The following RELN variants were observed in gnomAD, a reference collection of about 807,000 sequenced individuals.
The protein encoded by RELN is reelin.
In RELN, 108 loss-of-function variants were observed where a neutral mutation model predicts 427.6. The ratio of observed to expected loss-of-function variants is 0.25; its 90% CI spans 0.22 to 0.30. The LOEUF is 0.30. Ranked by LOEUF, RELN falls within the 10% of genes least tolerant of loss-of-function variation. The pLI, the probability that RELN is intolerant of heterozygous loss-of-function variation, is 1.00. For synonymous variants in RELN, 1,524 were observed against 1,513.4 expected, an observed-to-expected ratio of 1.01 and a Z score of -0.16; for missense variants, 3,715 against 4,302.8, an observed-to-expected ratio of 0.86 and a Z score of 3.82.
chr7:103,755,915 A>G (rs374859046), intron 4 of RELN, among the ~76,000 whole-genome samples: 3 of 152,060 alleles, frequency 2.0e-5, no homozygotes, highest in East Asian at 1.9e-4. Flanking sequence ...TGTTAAAAAG[A>G]AAAGAAAAAC....
In RELN at chr7:103,578,123, T is replaced by G. The variant is rs77635527; in HGVS notation, c.4146-2418A>C. 9.8e-3 allele frequency among the ~76,000 whole-genome samples: 1,487 copies of G among 152,338 alleles called. 17 individuals carry two copies. Among genetic ancestry groups the G allele is most frequent in the African/African-American group, 0.026 (1,091 of 41,582 alleles). ...GAAGGACAAGTGAAATCCTTTGACCTGTCTCTGATTCTTGGGCTCTTATAG... is the reference window on the plus strand; with the variant it reads ...GAAGGACAAGTGAAATCCTTTGACCGGTCTCTGATTCTTGGGCTCTTATAG... On this transcript the variant is annotated intron_variant, in intron 28 of 64. Coordinates refer to ENST00000428762, the MANE Select transcript of RELN (RefSeq NM_005045.4).
chr7:103,962,528 C>A (rs1000528144), intron 1 of RELN, among the ~76,000 whole-genome samples: 1 of 152,014 alleles, frequency 6.6e-6, no homozygotes, highest in African/African-American at 2.4e-5. Flanking sequence ...TGCACTGAGG[C>A]ACCTCACCAG....
chr7:103,877,931 C>A (rs1794521862), intron 2 of RELN, among the ~76,000 whole-genome samples: 1 of 149,112 alleles, frequency 6.7e-6, no homozygotes, highest in Non-Finnish European at 1.5e-5. Flanking sequence ...TCTTGGCTCA[C>A]TGCGACCTCT....
intron 8 of RELN, among the ~76,000 whole-genome samples, chr7:103,701,961 T>G (rs1834101836): frequency 6.6e-6 from 1 of 152,254 alleles, no homozygotes; most frequent in African/African-American, 2.4e-5. Context: ...CAGACTCATT[T>G]ATTTTATTTC....
intron 1 of RELN, among the ~76,000 whole-genome samples, chr7:103,946,807 G>A (rs931542010): frequency 2.0e-5 from 3 of 152,120 alleles, no homozygotes; most frequent in African/African-American, 7.2e-5. Flanking sequence ...GATGCAAAAA[G>A]ATAATAAAAA....
At chr7:103,880,682 T>C (rs1249463346) in intron 2 of RELN, among the ~76,000 whole-genome samples, 1 of 152,134 alleles carries the variant, frequency 6.6e-6, no homozygotes, top group Non-Finnish European at 1.5e-5. Context: ...CACTTAATAA[T>C]GTATTTCTTC....
In RELN at chr7:103,523,383, C is replaced by T. The variant is rs764690009; in HGVS notation, c.7490+8G>A. ...CTTTCAACAGAAGGAAGAAAAAAAC[C>T]GACTTACACGCAGTTTCCCTGGATG... On this transcript the variant is annotated splice_region_variant and intron_variant, in intron 47 of 64. Coordinates refer to ENST00000428762, the MANE Select transcript of RELN (RefSeq NM_005045.4). 1.7e-5 allele frequency: 27 copies of T among 1,613,794 alleles called. No individual in the cohort carries two copies. The highest frequency in any genetic ancestry group is 1.3e-4 in the South Asian group (12 of 91,066).
At chr7:103,681,935 A>C (rs1165528629) in intron 11 of RELN, among the ~76,000 whole-genome samples, 181 bp downstream of exon 11, 1 of 152,236 alleles carries the variant, frequency 6.6e-6, no homozygotes, top group East Asian at 1.9e-4. Context: ...ATATGCAAAA[A>C]ATAGTTAATT....
At chr7:103,872,814 GTGA>G (rs1031899582) in intron 2 of RELN, among the ~76,000 whole-genome samples, 1 of 149,546 alleles carries the variant, frequency 6.7e-6, no homozygotes, top group African/African-American at 2.4e-5. Flanking sequence ...CTGATGGCCA[GTGA>G]TGATGAGTGT....
chr7:103,574,855 T>C (rs1830962723), intron 29 of RELN, among the ~76,000 whole-genome samples: 1 of 152,216 alleles, frequency 6.6e-6, no homozygotes. Context: ...TAATATTTTC[T>C]CCAATTTTCC....
At chr7:103,685,463 CAT>C (rs1406246885) in intron 10 of RELN, among the ~76,000 whole-genome samples, 4 of 152,044 alleles carry the variant, frequency 2.6e-5, no homozygotes, top group African/African-American at 7.2e-5. Flanking sequence ...TTCTAAATCA[CAT>C]GTGATTTCCT....
At chr7:103,702,081 G>A (rs1834105015) in intron 8 of RELN, among the ~76,000 whole-genome samples, 2 of 152,176 alleles carry the variant, frequency 1.3e-5, no homozygotes, top group Non-Finnish European at 2.9e-5. Flanking sequence ...AAATGTAAGT[G>A]AAAAAGCATG....
At chr7:103,619,217 A>C (rs553205611) in intron 20 of RELN, among the ~76,000 whole-genome samples, 1 of 152,286 alleles carries the variant, frequency 6.6e-6, no homozygotes, top group African/African-American at 2.4e-5. Context: ...AGATAACTTC[A>C]TGGGAGATAG....
chr7:103,602,182 A>G (rs186970180), intron 24 of RELN, among the ~76,000 whole-genome samples: 1 of 152,348 alleles, frequency 6.6e-6, no homozygotes, highest in East Asian at 1.9e-4. Context: ...ATTTACCAAT[A>G]TTAACTCACT....
intron 11 of RELN, among the ~76,000 whole-genome samples, chr7:103,677,568 C>T (rs200561269): frequency 6.9e-4 from 103 of 149,768 alleles, no homozygotes; most frequent in African/African-American, 2.3e-3. Context: ...GAGTTCGAGA[C>T]GAGCCTGGCT....
intron 1 of RELN, among the ~76,000 whole-genome samples, chr7:103,948,201 A>G (rs570419712): frequency 6.6e-5 from 10 of 152,308 alleles, no homozygotes; most frequent in Admixed American, 1.3e-4. Flanking sequence ...AACATTTAAT[A>G]CCTACTTGTA....
intron 46 of RELN, among the ~76,000 whole-genome samples, chr7:103,525,687 T>C (rs1829808103): frequency 6.7e-6 from 1 of 149,254 alleles, no homozygotes; most frequent in African/African-American, 2.5e-5. Flanking sequence ...CATTTATATA[T>C]TCATTCTGTT....
intron 7 of RELN, among the ~76,000 whole-genome samples, chr7:103,727,743 T>C (rs1271654936): frequency 1.3e-5 from 2 of 152,164 alleles, no homozygotes; most frequent in Non-Finnish European, 1.5e-5. Flanking sequence ...CTAACAGTTT[T>C]GACTTGCAAG....
intron 12 of RELN, 107 bp downstream of exon 12, chr7:103,661,269 G>C: frequency 5.5e-6 from 7 of 1,273,362 alleles, no homozygotes; most frequent in Non-Finnish European, 8.0e-6. Flanking sequence ...CACGTTTCAT[G>C]AATTTTCATT....
Sources: gnomAD v4.1 joint callset for allele counts (sites outside exome capture counted in the v4.1 genomes callset) on GRCh38, gnomAD v4.1.1 for gene constraint, MANE v1.5 for transcripts, NCBI Gene and HGNC (gene_info 2026-07-23, HGNC 2026-07-21) for gene names.